SERPINB9: variants seen among roughly 807,000 people sequenced by gnomAD.
SERPINB9 encodes the protein serpin family B member 9.
In SERPINB9, 20 loss-of-function variants were observed where a neutral mutation model predicts 27.2. The ratio of observed to expected loss-of-function variants is 0.74; its 90% confidence interval spans 0.52 to 1.07. The LOEUF (loss-of-function observed/expected upper bound fraction) is 1.07. Among genes scored for constraint, SERPINB9 ranks in the 50% least tolerant of loss-of-function variants. The pLI, the probability that SERPINB9 is intolerant of heterozygous loss-of-function variation, is 0.00. For synonymous variants in SERPINB9, 189 were observed against 180.0 expected, an observed-to-expected ratio of 1.05 and a Z score of -0.40; for missense variants, 476 against 460.1, an observed-to-expected ratio of 1.03 and a Z score of -0.32.
Position 2,896,254 on chromosome 6 carries a change from A to G in SERPINB9, c.169-64T>C, listed in dbSNP as rs1767995404. 4 of 1,491,044 alleles carry G rather than the reference A, an allele frequency of 2.7e-6. No homozygotes were observed. In the Admixed American group the frequency reaches 7.4e-5, roughly 28 times the overall value. 92.4% of individuals were successfully genotyped at this position (1,491,044 alleles called of 1,614,324 possible). On this transcript the variant is annotated intron_variant, in intron 2 of 6. Transcript: ENST00000380698. ...TCTTTGATGGCTGGGGAGAGGAGAGAGAGGGGACAGAAAACAGGCGAGTAA... is the reference window on the plus strand; with the variant it reads ...TCTTTGATGGCTGGGGAGAGGAGAGGGAGGGGACAGAAAACAGGCGAGTAA...
rs1052886 is a variant in SERPINB9 at position 2,889,956 on chromosome 6, A to G, written c.*207T>C. 0.2 allele frequency: 92,725 copies of G among 468,126 alleles called. 10,439 individuals are homozygous for G. The highest frequency in any genetic ancestry group is 0.23 in the Non-Finnish European group (59,762 of 265,224). 29.0% of individuals were successfully genotyped at this position (468,126 alleles called of 1,614,324 possible). ...AATTTTAATACAACAGGGAATCATTATGGTCTATTTTCTCAAGATTCTGAT... is the reference window on the plus strand; with the variant it reads ...AATTTTAATACAACAGGGAATCATTGTGGTCTATTTTCTCAAGATTCTGAT... On this transcript the variant is annotated 3_prime_UTR_variant, in exon 7 of 7. Transcript: ENST00000380698.
rs1187723974 is a variant in SERPINB9 at position 2,900,605 on chromosome 6, T to A, written c.7A>T (p.Thr3Ser). Residue 3 changes from threonine to serine, a missense_variant, in exon 2 of 7, where the codon ACT (threonine) becomes TCT (serine). Thr to Ser is a moderately conservative substitution (Grantham distance 58, BLOSUM62 1). Transcript: ENST00000380698. ME[T>S]LSNASGTFAI... ...AAAGTACCACTTGCATTAGAAAGAG[T>A]TTCCATGATGCAGGGCCTGGAAGGG... The A allele has an allele frequency of 6.2e-7, 1 of 1,613,960 alleles. No homozygotes were observed. The highest frequency in any genetic ancestry group is 2.2e-5 in the East Asian group (1 of 44,894).
rs777130998 is a variant in SERPINB9 at position 2,894,337 on chromosome 6, G to A, written c.425-784C>T. On this transcript the variant is annotated intron_variant, in intron 4 of 6. Coordinates refer to ENST00000380698, the MANE Select transcript of SERPINB9 (RefSeq NM_004155.6). The surrounding 1 kb of genome is among the most constrained non-coding windows in gnomAD (Gnocchi z 4.7). ...TAATTGGCGCAGAGGAGTCTGAATGGTTCATCAGACCATCATTGGTCTTGG... is the reference window on the plus strand; with the variant it reads ...TAATTGGCGCAGAGGAGTCTGAATGATTCATCAGACCATCATTGGTCTTGG... 1.3e-5 allele frequency among the ~76,000 whole-genome samples: 2 copies of A among 152,154 alleles called. No individual in the cohort carries two copies. The highest frequency in any genetic ancestry group is 1.9e-4 in the East Asian group (1 of 5,196).
intron 2 of SERPINB9, 39 bp downstream of exon 2, chr6:2,900,405 C>T (rs536611966): frequency 6.2e-7 from 1 of 1,607,866 alleles, no homozygotes; most frequent in Non-Finnish European, 8.5e-7. Flanking sequence ...AACACGCAGC[C>T]CAGGCCAGTC....
At position 2,888,914 on chromosome 6, in the gene SERPINB9, T is replaced by C. The variant is rs531332673; in HGVS notation, c.*1249A>G. On this transcript the variant is annotated 3_prime_UTR_variant, in exon 7 of 7. Coordinates refer to ENST00000380698, the MANE Select transcript of SERPINB9 (RefSeq NM_004155.6). ...CATTAAAAAATATAAGTTACATAGCTCGTATATAATCAACTTACTTATTAC... is the reference window on the plus strand; with the variant it reads ...CATTAAAAAATATAAGTTACATAGCCCGTATATAATCAACTTACTTATTAC... 6.6e-6 allele frequency: 1 copy of C among 151,836 alleles called. No individual in the cohort carries two copies. The highest frequency in any genetic ancestry group is 1.9e-4 in the East Asian group (1 of 5,170). The allele number at this position is 151,836 out of a possible 1,614,324, so 9.4% of individuals were successfully genotyped here.
chr6:2,896,045 C>T lies in SERPINB9; in HGVS notation c.306+8G>A. The T allele has an allele frequency of 6.2e-7, 1 of 1,610,208 alleles. No homozygotes were observed. Among genetic ancestry groups the T allele is most frequent in the South Asian group, 1.1e-5 (1 of 90,300 alleles). On this transcript the variant is annotated splice_region_variant and intron_variant, in intron 3 of 6. Transcript: ENST00000380698. ...TGCAACTTTTATTGTTCTATTGATT[C>T]AACTTACTGAGAGGAACTGACAAGT...
In SERPINB9 at chr6:2,893,352, T is replaced by C. The variant is rs993680634; in HGVS notation, c.567+59A>G. The C allele has an allele frequency of 3.2e-6, 5 of 1,557,426 alleles. No homozygotes were observed. In the East Asian group the frequency reaches 9.1e-5, roughly 28 times the overall value. On this transcript the variant is annotated intron_variant, in intron 5 of 6. Transcript: ENST00000380698. ...TATGTCACTTACACTTTTACAAAGT[T>C]AAATCTTTCCATTCAACTTCTTCAT...
intron 2 of SERPINB9, among the ~76,000 whole-genome samples, chr6:2,897,142 C>T (rs1304118140): frequency 7.1e-6 from 1 of 140,740 alleles, no homozygotes; most frequent in South Asian, 2.3e-4. Flanking sequence ...AAAAAAAACA[C>T]AAAAAATCCT....
intron 2 of SERPINB9, among the ~76,000 whole-genome samples, chr6:2,898,528 G>A (rs959501899): frequency 2.0e-5 from 3 of 152,190 alleles, no homozygotes; most frequent in African/African-American, 7.2e-5. Context: ...GTGAAAATCA[G>A]GAAATAGGGC....
rs144457124 is a variant in SERPINB9, at chr6:2,893,520, A to T, written c.458T>A (p.Ile153Asn). ...AAGAACCAGCCTGGTTTCTGCATCA[A>T]TTGAGCTACCCGGCAACAACTCTTC... ...KIEELLPGSS[I>N]DAETRLVLVN... The change falls in exon 5 of 7, where the codon ATT becomes AAT. Residue 153 changes from isoleucine to asparagine, a missense_variant. Ile to Asn is a moderately radical substitution (Grantham distance 149). Transcript: ENST00000380698. 2 of 1,612,732 alleles carry T rather than the reference A, an allele frequency of 1.2e-6. No homozygotes were observed. The highest frequency in any genetic ancestry group is 3.3e-5 in the Admixed American group (2 of 59,864).
rs983277524 is a variant in SERPINB9 at position 2,890,790 on chromosome 6, C to G, written c.724-220G>C. On this transcript the variant is annotated intron_variant, in intron 6 of 6. Transcript: ENST00000380698. This position sits in a 1 kb window ranked among gnomAD's most constrained non-coding sequence, Gnocchi z 6.2. ...GGGAGAGACACCAAGCAGTCAGAGG[C>G]AGGAAGGCTGTGGCTGTCCTCTCCT... 1.3e-5 allele frequency among the ~76,000 whole-genome samples: 2 copies of G among 152,172 alleles called. No homozygotes were observed. Among genetic ancestry groups the G allele is most frequent in the African/African-American group, 4.8e-5 (2 of 41,432 alleles).
rs562690319 is a variant in SERPINB9 at position 2,902,377 on chromosome 6, G to A, written c.-11+824C>T. On this transcript the variant is annotated intron_variant, in intron 1 of 6. Coordinates refer to ENST00000380698, the MANE Select transcript of SERPINB9 (RefSeq NM_004155.6). ...ACCGCAGGCTCTGCAGGCGAGCGCT[G>A]AGCCTGGCTCTGCAGATTCTCAGGA... Among the ~76,000 whole-genome samples the A allele has an allele frequency of 2.8e-3, 428 of 152,320 alleles. 1 individual carries two copies. The highest frequency in any genetic ancestry group is 9.7e-3 in the African/African-American group (404 of 41,554).
At chr6:2,892,729 C>T (rs1767852267) in intron 5 of SERPINB9, among the ~76,000 whole-genome samples, 1 of 152,058 alleles carries the variant, frequency 6.6e-6, no homozygotes, top group Non-Finnish European at 1.5e-5. Context: ...TTAAAGTACA[C>T]CTTACAAAAA....
At chr6:2,897,291 T>C (rs1446975125) in intron 2 of SERPINB9, among the ~76,000 whole-genome samples, 3 of 151,918 alleles carry the variant, frequency 2.0e-5, no homozygotes, top group African/African-American at 7.3e-5. Context: ...GATGGCGAAA[T>C]CCTGTCTCTA....
At chr6:2,900,122 C>T (rs956701616) in intron 2 of SERPINB9, 1 of 401,494 alleles carries the variant, frequency 2.5e-6, no homozygotes, top group Non-Finnish European at 4.7e-6. Context: ...AGAGGTAGTT[C>T]TTTGCAACTT....
At chr6:2,898,584 A>G (rs536005552) in intron 2 of SERPINB9, among the ~76,000 whole-genome samples, 9 of 152,344 alleles carry the variant, frequency 5.9e-5, no homozygotes, top group South Asian at 2.1e-4. Flanking sequence ...TTGGGAGGCC[A>G]AGGCGGGTGG....
Position 2,900,538 on chromosome 6 carries a change from G to GC in SERPINB9, c.73_74insG (p.Ser25CysfsTer52). ...CACAGGAGAACAGAACACGTTGTGCGAAGGGTTATCTTGACACAGTATCTT... is the reference window on the plus strand; with the variant it reads ...CACAGGAGAACAGAACACGTTGTGCGCAAGGGTTATCTTGACACAGTATCTT... On this transcript the variant is annotated frameshift_variant, in exon 2 of 7. Transcript: ENST00000380698. LOFTEE classifies it high-confidence loss of function. 1 of 1,614,108 alleles carries GC rather than the reference G, an allele frequency of 6.2e-7. No individual in the cohort carries two copies. Among genetic ancestry groups the GC allele is most frequent in the African/African-American group, 1.3e-5 (1 of 75,014 alleles).
rs1767639234 is a variant in SERPINB9, at chr6:2,887,532, T to A, written c.*2631A>T. 1 of 152,208 alleles carries A rather than the reference T, an allele frequency of 6.6e-6. No homozygotes were observed. The allele number at this position is 152,208 out of a possible 1,614,324, so 9.4% of individuals were successfully genotyped here. On this transcript the variant is annotated 3_prime_UTR_variant, in exon 7 of 7. Coordinates refer to ENST00000380698, the MANE Select transcript of SERPINB9 (RefSeq NM_004155.6). The stretch of plus-strand genomic sequence containing the variant: ...TGCATATGATACATAATGTTGCAGA[T>A]GTTTGTAATTTACATAAAAGATACT...
Position 2,903,126 on chromosome 6 carries a change from A to T in SERPINB9, c.-11+75T>A, listed in dbSNP as rs1331746865. The T allele has an allele frequency of 6.7e-6, 1 of 150,060 alleles. No individual in the cohort carries two copies. The highest frequency in any genetic ancestry group is 1.5e-5 in the Non-Finnish European group (1 of 67,586). The allele number at this position is 150,060 out of a possible 1,614,324, so 9.3% of individuals were successfully genotyped here. ...ACCTCTCCTGTCCTCCGGTCCCATC[A>T]CTCGGTGGCAGCCGGTGGACCTGAA... On this transcript the variant is annotated intron_variant, in intron 1 of 6. Transcript: ENST00000380698. This position sits in a 1 kb window ranked among gnomAD's most constrained non-coding sequence, Gnocchi z 5.2.
Sources: gnomAD v4.1 joint callset for allele counts (sites outside exome capture counted in the v4.1 genomes callset) on GRCh38, gnomAD v4.1.1 for gene constraint, Gnocchi (gnomAD v3.1) non-coding constraint, MANE v1.5 for transcripts, NCBI Gene and HGNC (gene_info 2026-07-23, HGNC 2026-07-21) for gene names.